SEL1L2: variants seen among roughly 807,000 people sequenced by gnomAD.
SEL1L2 encodes the protein SEL1L2 adaptor subunit of SYVN1 ubiquitin ligase.
Under a neutral mutation model 98.8 loss-of-function variants are expected in SEL1L2, and 89 were observed. That is an observed-to-expected ratio of 0.90 (90% CI 0.76 to 1.07). SEL1L2 has a LOEUF of 1.07. Among genes scored for constraint, SEL1L2 ranks in the 50% least tolerant of loss-of-function variants. The pLI, the probability that SEL1L2 is intolerant of heterozygous loss-of-function variation, is 0.00. For synonymous variants in SEL1L2, 262 were observed against 278.5 expected, an observed-to-expected ratio of 0.94 and a Z score of 0.59; for missense variants, 788 against 812.0, an observed-to-expected ratio of 0.97 and a Z score of 0.36.
intron 5 of SEL1L2, 119 bp from the exon 6 acceptor site, chr20:13,888,631 T>TTATA: frequency 2.8e-6 from 1 of 359,628 alleles, no homozygotes. Flanking sequence ...ATTTCTTTCT[T>TTATA]TCTCTTTTTT....
chr20:13,959,737 A>G (rs767619554), intron 1 of SEL1L2, among the ~76,000 whole-genome samples: 52 of 152,338 alleles, frequency 3.4e-4, no homozygotes, highest in Middle Eastern at 3.4e-3. Flanking sequence ...TTTTTACACT[A>G]TGGGAATAAA....
At chr20:13,854,379 CA>C (rs1988801547) in intron 18 of SEL1L2, among the ~76,000 whole-genome samples, 1 of 152,196 alleles carries the variant, frequency 6.6e-6, no homozygotes, top group South Asian at 2.1e-4. Context: ...AAAAGGTTGT[CA>C]TATGTTTCTC....
rs1376044275 is a variant in SEL1L2 at position 13,983,030 on chromosome 20, A to AAAAAAAAAAAAAAG, written c.58+7446_58+7447insCTTTTTTTTTTTTT. 2.2e-5 allele frequency among the ~76,000 whole-genome samples: 3 copies of AAAAAAAAAAAAAAG among 135,492 alleles called. 1 individual carries two copies. The East Asian group carries it at 6.5e-4, about 29-fold the overall frequency. The allele number at this position is 135,492 out of a possible 152,430, so 88.9% of individuals were successfully genotyped here. A position where few individuals can be genotyped will look rare whatever the true frequency, so the allele number is the denominator to read the frequency against. On this transcript the variant is annotated intron_variant, in intron 1 of 19. Coordinates refer to ENST00000284951, the MANE Select transcript of SEL1L2 (RefSeq NM_025229.2). ...CAGAGCAAGACTCCATCTCAAAAAA[A>AAAAAAAAAAAAAAG]AAAAAAAAAAAAAAAAAAGCAGCAG... is the stretch of plus-strand genomic sequence containing the variant.
chr20:13,907,746 C>CT (rs1254633618), intron 5 of SEL1L2, among the ~76,000 whole-genome samples: 22 of 83,494 alleles, frequency 2.6e-4, no homozygotes, highest in Admixed American at 7.4e-4. Context: ...TTCTTTCTTT[C>CT]TTTTCTTTTC....
At chr20:13,862,086 T>A (rs1170991605) in intron 17 of SEL1L2, among the ~76,000 whole-genome samples, 1 of 152,212 alleles carries the variant, frequency 6.6e-6, no homozygotes, top group Non-Finnish European at 1.5e-5. Flanking sequence ...CCTTGAACTC[T>A]TAATCACTGA....
chr20:13,851,248 A>G (rs1447475385), intron 18 of SEL1L2: 1 of 152,102 alleles, frequency 6.6e-6, no homozygotes, highest in East Asian at 1.9e-4. Flanking sequence ...AAAATTGTAC[A>G]GTTCTCTAAA....
intron 2 of SEL1L2, among the ~76,000 whole-genome samples, chr20:13,939,035 G>GTTTTTT (rs779584914): frequency 0.14 from 4,263 of 30,728 alleles, 424 homozygotes; most frequent in East Asian, 0.23. Context: ...TTGTTTGCTT[G>GTTTTTT]TTTTGTTTTT....
At chr20:13,880,148 T>G (rs1300316403) in intron 10 of SEL1L2, among the ~76,000 whole-genome samples, 1 of 152,254 alleles carries the variant, frequency 6.6e-6, no homozygotes, top group Non-Finnish European at 1.5e-5. Flanking sequence ...CAGCTGGACT[T>G]TAATCTTTAT....
At chr20:13,922,563 G>C (rs1159965489) in intron 3 of SEL1L2, among the ~76,000 whole-genome samples, 1 of 152,138 alleles carries the variant, frequency 6.6e-6, no homozygotes, top group African/African-American at 2.4e-5. Context: ...ATTGAAATCA[G>C]ATTTTAAAAA....
chr20:13,903,421 A>G (rs2148111918), intron 5 of SEL1L2, among the ~76,000 whole-genome samples: 1 of 152,242 alleles, frequency 6.6e-6, no homozygotes, highest in East Asian at 1.9e-4. Context: ...GCAAGGTTCT[A>G]CTTATTTGGA....
intron 19 of SEL1L2, 30 bp from the exon 20 acceptor site, chr20:13,849,634 A>C (rs756112874): frequency 5.3e-5 from 85 of 1,609,820 alleles, no homozygotes; most frequent in Non-Finnish European, 7.0e-5. Context: ...TCTCAAAAAC[A>C]ATCCAAGCTT....
Position 13,915,582 on chromosome 20 carries a change from C to T in SEL1L2, c.387-1638G>A, listed in dbSNP as rs79285035. ...TAGGCTGCAGGGGCCTCCAATAGTA[C>T]GCCTAGTAGCTCCAGCATTTTATAC... is the stretch of plus-strand genomic sequence containing the variant. On this transcript the variant is annotated intron_variant, in intron 4 of 19. Transcript: ENST00000284951. Among the ~76,000 whole-genome samples the T allele has an allele frequency of 4.4e-3, 674 of 152,214 alleles. 9 individuals carry two copies. Among genetic ancestry groups the T allele is most frequent in the Middle Eastern group, 0.031 (9 of 294 alleles).
chr20:13,971,219 T>C (rs532234883), intron 1 of SEL1L2, among the ~76,000 whole-genome samples: 1 of 152,196 alleles, frequency 6.6e-6, no homozygotes, highest in Non-Finnish European at 1.5e-5. Context: ...CAGTCTGTTT[T>C]CAGCCTTTTA....
Position 13,990,474 on chromosome 20 carries a change from T to A in SEL1L2, c.58+3A>T. 6.2e-7 allele frequency: 1 copy of A among 1,607,882 alleles called. No individual in the cohort carries two copies. The highest frequency in any genetic ancestry group is 1.7e-5 in the Admixed American group (1 of 59,840). On this transcript the variant is annotated splice_donor_region_variant and intron_variant, in intron 1 of 19. Transcript: ENST00000284951. Reference sequence around the variant, plus strand: ...AGAGAACTCTAAGGACAAAAAAACTTACTTTTAATTGTGACCCCAAGAATT... The same window carrying A: ...AGAGAACTCTAAGGACAAAAAAACTAACTTTTAATTGTGACCCCAAGAATT...
chr20:13,967,432 A>G (rs1270438181), intron 1 of SEL1L2, among the ~76,000 whole-genome samples: 2 of 152,162 alleles, frequency 1.3e-5, no homozygotes, highest in Non-Finnish European at 2.9e-5. Flanking sequence ...TAATTCAAGA[A>G]AGAAGAAAAA....
chr20:13,860,026 C>T (rs1314357026), intron 17 of SEL1L2, among the ~76,000 whole-genome samples: 1 of 152,178 alleles, frequency 6.6e-6, no homozygotes, highest in Non-Finnish European at 1.5e-5. Context: ...AGAACAAAAA[C>T]TTACCAATTT....
chr20:13,948,412 A>G (rs1324852847), intron 2 of SEL1L2, among the ~76,000 whole-genome samples: 1 of 152,200 alleles, frequency 6.6e-6, no homozygotes, highest in Non-Finnish European at 1.5e-5. Context: ...AGATAGACAT[A>G]TAGACCAATG....
At chr20:13,966,602 G>C (rs754472738) in intron 1 of SEL1L2, among the ~76,000 whole-genome samples, 10 of 151,850 alleles carry the variant, frequency 6.6e-5, no homozygotes, top group African/African-American at 2.4e-4. Flanking sequence ...TTACAGGTGT[G>C]AGCCACTGCG....
rs11087067 is a variant in SEL1L2 at position 13,876,406 on chromosome 20, CTTTTTTT to C, written c.1027-298_1027-292del. Among the ~76,000 whole-genome samples the C allele has an allele frequency of 5.9e-5, 6 of 101,926 alleles. No individual in the cohort carries two copies. The South Asian group carries it at 1.5e-3, about 25-fold the overall frequency. The allele number at this position is 101,926 out of a possible 152,430, so 66.9% of individuals were successfully genotyped here. On this transcript the variant is annotated intron_variant, in intron 11 of 19. Coordinates refer to ENST00000284951, the MANE Select transcript of SEL1L2 (RefSeq NM_025229.2). ...GTTTGTGTTTTCTCTCTCTCTCTCT[CTTTTTTT>C]TTTTTTTTTTTTTGCATCTACATTT...
Sources: gnomAD v4.1 joint callset for allele counts (sites outside exome capture counted in the v4.1 genomes callset) on GRCh38, gnomAD v4.1.1 for gene constraint, MANE v1.5 for transcripts, NCBI Gene and HGNC (gene_info 2026-07-23, HGNC 2026-07-21) for gene names.